Variants in KCNQ1OT1 observed in about 807,000 individuals in gnomAD.
KCNQ1OT1 encodes KCNQ1 opposite strand/antisense transcript 1, also known as KCNQ1 antisense RNA 2 (non-protein coding).
rs1349199299 is a variant in KCNQ1OT1 at position 2,651,947 on chromosome 11, C to T, written n.48048G>A. On this transcript the variant is annotated non_coding_transcript_exon_variant, in exon 1 of 1. Coordinates refer to ENST00000597346, the Ensembl canonical transcript of KCNQ1OT1. This position sits in a 1 kb window ranked among gnomAD's most constrained non-coding sequence, Gnocchi z 6.1. ...CTCCTACTCACAGCCCTCCTGCAGC[C>T]AGCAGCAGTGGGGGAGCCAAGCTGA... is the stretch of plus-strand genomic sequence containing the variant. 1 of 398,600 alleles carries T rather than the reference C, an allele frequency of 2.5e-6. No homozygotes were observed. Among genetic ancestry groups the T allele is most frequent in the East Asian group, 3.6e-5 (1 of 28,084 alleles). The allele number at this position is 398,600 out of a possible 1,614,324, so 24.7% of individuals were successfully genotyped here.
rs1198227721 is a variant in KCNQ1OT1 at position 2,673,004 on chromosome 11, A to G, written n.26991T>C. On this transcript the variant is annotated non_coding_transcript_exon_variant, in exon 1 of 1. Transcript: ENST00000597346. This position sits in a 1 kb window ranked among gnomAD's most constrained non-coding sequence, Gnocchi z 4.5. ...CCTTGCCTAAAGGAGAAGCCAGTGAATCAATGTGTTACTTGAACAAATATA... is the reference window on the plus strand; with the variant it reads ...CCTTGCCTAAAGGAGAAGCCAGTGAGTCAATGTGTTACTTGAACAAATATA... 1 of 398,588 alleles carries G rather than the reference A, an allele frequency of 2.5e-6. No individual in the cohort carries two copies. Among genetic ancestry groups the G allele is most frequent in the Non-Finnish European group, 4.4e-6 (1 of 226,116 alleles). 24.7% of individuals were successfully genotyped at this position (398,588 alleles called of 1,614,324 possible).
chr11:2,698,568 C>T lies in KCNQ1OT1; in HGVS notation n.1427G>A. ...CTTTACTTCGCCCCCTAATTCCTGA[C>T]TCAGAATCCCCACCTAGAGGCAGAA... On this transcript the variant is annotated non_coding_transcript_exon_variant, in exon 1 of 1. Coordinates refer to ENST00000597346, the Ensembl canonical transcript of KCNQ1OT1. The surrounding 1 kb of genome is among the most constrained non-coding windows in gnomAD (Gnocchi z 5.1). The T allele has an allele frequency of 5.0e-6, 2 of 398,576 alleles. No homozygotes were observed. Among genetic ancestry groups the T allele is most frequent in the Non-Finnish European group, 8.8e-6 (2 of 226,060 alleles). The allele number at this position is 398,576 out of a possible 1,614,324, so 24.7% of individuals were successfully genotyped here.
chr11:2,654,099 T>A lies in KCNQ1OT1; in HGVS notation n.45896A>T, dbSNP rs1849799365. 2 of 398,774 alleles carry A rather than the reference T, an allele frequency of 5.0e-6. No homozygotes were observed. The highest frequency in any genetic ancestry group is 7.1e-5 in the East Asian group (2 of 28,076). The allele number at this position is 398,774 out of a possible 1,614,324, so 24.7% of individuals were successfully genotyped here. ...CCATCCATGTCCCTTACTTCTCGCC[T>A]CTGAGTGGAGACACAGGTGGTGGCG... On this transcript the variant is annotated non_coding_transcript_exon_variant, in exon 1 of 1. Transcript: ENST00000597346. The surrounding 1 kb of genome is among the most constrained non-coding windows in gnomAD (Gnocchi z 6.4).
chr11:2,625,223 T>C (rs1849243891), exon 1 of KCNQ1OT1: 1 of 398,544 alleles, frequency 2.5e-6, no homozygotes, highest in Non-Finnish European at 4.4e-6. Flanking sequence ...AATTTCTCCA[T>C]GTCCCTTCCA....
Position 2,647,649 on chromosome 11 carries a change from CTT to C in KCNQ1OT1, n.52344_52345del. The C allele has an allele frequency of 2.5e-6, 1 of 398,498 alleles. No homozygotes were observed. Among genetic ancestry groups the C allele is most frequent in the Non-Finnish European group, 4.4e-6 (1 of 226,030 alleles). The allele number at this position is 398,498 out of a possible 1,614,324, so 24.7% of individuals were successfully genotyped here. ...TCCTGAGGTTTTCTTTACTGGGAGA[CTT>C]TATTACTGATACAATCTCATTCCTT... is the stretch of plus-strand genomic sequence containing the variant. On this transcript the variant is annotated non_coding_transcript_exon_variant, in exon 1 of 1. Coordinates refer to ENST00000597346, the Ensembl canonical transcript of KCNQ1OT1. This position sits in a 1 kb window ranked among gnomAD's most constrained non-coding sequence, Gnocchi z 4.0.
chr11:2,629,816 GT>G (rs201878433), exon 1 of KCNQ1OT1: 4 of 397,400 alleles, frequency 1.0e-5, no homozygotes, highest in African/African-American at 4.1e-5. Flanking sequence ...CTTCTAACAG[GT>G]TTTTTTTGTG....
rs781369024 is a variant in KCNQ1OT1, at chr11:2,699,617, GAACCGCGCCGAAGAACCCCCGGGGAC to G, written n.352_377del. The stretch of plus-strand genomic sequence containing the variant: ...AACCGCGGCGAGAGGCCCCCGGAGA[GAACCGCGCCGAAGAACCCCCGGGGAC>G]AACCGCGCCGAAGAACCCCCGGGGA... On this transcript the variant is annotated non_coding_transcript_exon_variant, in exon 1 of 1. Coordinates refer to ENST00000597346, the Ensembl canonical transcript of KCNQ1OT1. 1.1e-3 allele frequency: 383 copies of G among 355,872 alleles called. No homozygotes were observed. Among genetic ancestry groups the G allele is most frequent in the Non-Finnish European group, 1.5e-3 (316 of 204,602 alleles). The allele number at this position is 355,872 out of a possible 1,614,324, so 22.0% of individuals were successfully genotyped here.
rs1029991140 is a variant in KCNQ1OT1, at chr11:2,653,022, C to T, written n.46973G>A. On this transcript the variant is annotated non_coding_transcript_exon_variant, in exon 1 of 1. Transcript: ENST00000597346. This position sits in a 1 kb window ranked among gnomAD's most constrained non-coding sequence, Gnocchi z 5.3. ...GCTTGAGGCAAATCTATTCTGCACA[C>T]CTTTGATCCAATGTGAGATCCAACA... 6 of 398,662 alleles carry T rather than the reference C, an allele frequency of 1.5e-5. No individual in the cohort carries two copies. Among genetic ancestry groups the T allele is most frequent in the African/African-American group, 1.0e-4 (5 of 48,752 alleles). The allele number at this position is 398,662 out of a possible 1,614,324, so 24.7% of individuals were successfully genotyped here.
chr11:2,670,636 G>A lies in KCNQ1OT1; in HGVS notation n.29359C>T, dbSNP rs1362292448. On this transcript the variant is annotated non_coding_transcript_exon_variant, in exon 1 of 1. Transcript: ENST00000597346. The surrounding 1 kb of genome is among the most constrained non-coding windows in gnomAD (Gnocchi z 4.9). ...TGGGGGAGCCTGGATATGCATGGCA[G>A]AGGCCAGGATGAACCCTGAAGATTG... 5.0e-6 allele frequency: 2 copies of A among 398,510 alleles called. No homozygotes were observed. The highest frequency in any genetic ancestry group is 8.8e-6 in the Non-Finnish European group (2 of 226,128). 24.7% of individuals were successfully genotyped at this position (398,510 alleles called of 1,614,324 possible).
rs1156843991 is a variant in KCNQ1OT1 at position 2,669,645 on chromosome 11, A to C, written n.30350T>G. 5.0e-6 allele frequency: 2 copies of C among 398,488 alleles called. No individual in the cohort carries two copies. The highest frequency in any genetic ancestry group is 4.1e-5 in the African/African-American group (2 of 48,618). 24.7% of individuals were successfully genotyped at this position (398,488 alleles called of 1,614,324 possible). ...TCAGCCTCAGTTTCCTCTTGTATAC[A>C]TTGGGAGTATATCTCACAGTATTAG... On this transcript the variant is annotated non_coding_transcript_exon_variant, in exon 1 of 1. Transcript: ENST00000597346. This position sits in a 1 kb window ranked among gnomAD's most constrained non-coding sequence, Gnocchi z 5.6.
chr11:2,693,703 T>C, exon 1 of KCNQ1OT1: 1 of 398,652 alleles, frequency 2.5e-6, no homozygotes, highest in Non-Finnish European at 4.4e-6. Flanking sequence ...TCCAGCCTCA[T>C]GGGCCTTCCT....
exon 1 of KCNQ1OT1, chr11:2,643,572 C>G: frequency 7.5e-6 from 3 of 398,430 alleles, no homozygotes; most frequent in Non-Finnish European, 1.3e-5. Flanking sequence ...TTGTAGATAG[C>G]ATTTAGATGG....
chr11:2,689,713 G>A (rs1850557806), exon 1 of KCNQ1OT1: 2 of 398,538 alleles, frequency 5.0e-6, no homozygotes, highest in Non-Finnish European at 8.8e-6. Flanking sequence ...CTTTGCACCT[G>A]GGCCTAGAGT....
exon 1 of KCNQ1OT1, chr11:2,655,827 A>G (rs1264511254): frequency 7.5e-6 from 3 of 398,534 alleles, no homozygotes; most frequent in Non-Finnish European, 1.3e-5. Flanking sequence ...ACAAGCCAGC[A>G]GACAATAACC....
rs1849158177 is a variant in KCNQ1OT1, at chr11:2,620,891, G to A, written n.79104C>T. The A allele has an allele frequency of 2.5e-6, 1 of 396,440 alleles. No homozygotes were observed. The highest frequency in any genetic ancestry group is 1.3e-4 in the South Asian group (1 of 7,812). The allele number at this position is 396,440 out of a possible 1,614,324, so 24.6% of individuals were successfully genotyped here. A position where few individuals can be genotyped will look rare whatever the true frequency, so the allele number is the denominator to read the frequency against. ...TTTTTAATAATTGCCATTCTGACTG[G>A]TGTGAGATGGCATCCCATTATGGTT... On this transcript the variant is annotated non_coding_transcript_exon_variant, in exon 1 of 1. Transcript: ENST00000597346. This position sits in a 1 kb window ranked among gnomAD's most constrained non-coding sequence, Gnocchi z 4.5.
chr11:2,618,603 T>C (rs1406098488), exon 1 of KCNQ1OT1: 1 of 398,480 alleles, frequency 2.5e-6, no homozygotes, highest in Non-Finnish European at 4.4e-6. Flanking sequence ...ATCAATAGTT[T>C]TGTAAAATAA....
exon 1 of KCNQ1OT1, chr11:2,649,401 T>G (rs373328745): frequency 5.0e-6 from 2 of 398,588 alleles, no homozygotes; most frequent in East Asian, 3.6e-5. Context: ...TGTAGTTTCA[T>G]GATGGTAGAT....
Position 2,657,643 on chromosome 11 carries a change from T to G in KCNQ1OT1, n.42352A>C. The G allele has an allele frequency of 5.0e-6, 2 of 398,592 alleles. No homozygotes were observed. Among genetic ancestry groups the G allele is most frequent in the Non-Finnish European group, 8.8e-6 (2 of 226,062 alleles). The allele number at this position is 398,592 out of a possible 1,614,324, so 24.7% of individuals were successfully genotyped here. On this transcript the variant is annotated non_coding_transcript_exon_variant, in exon 1 of 1. Transcript: ENST00000597346. The surrounding 1 kb of genome is among the most constrained non-coding windows in gnomAD (Gnocchi z 4.8). ...ACACTATTAAGCTAGAGTTATAAAT[T>G]TATTTGGATTTCCCCAGTTTAACTA... is the stretch of plus-strand genomic sequence containing the variant.
exon 1 of KCNQ1OT1, chr11:2,693,451 C>T (rs1459372383): frequency 1.3e-5 from 5 of 398,570 alleles, no homozygotes; most frequent in Admixed American, 4.4e-5. Context: ...CCCATCGAGT[C>T]CCCATTCTCT....
Sources: allele counts gnomAD v4.1 joint callset, GRCh38; gene constraint gnomAD v4.1.1; non-coding constraint Gnocchi (gnomAD v3.1); transcripts MANE v1.5; gene names NCBI Gene and HGNC (gene_info 2026-07-23, HGNC 2026-07-21).